The following COLEC11 variants were observed in gnomAD, a reference collection of about 807,000 sequenced individuals.
COLEC11 encodes the protein collectin-11.
In COLEC11, 20 loss-of-function variants were observed where a neutral mutation model predicts 27.3. That is an observed-to-expected ratio of 0.73 (90% confidence interval 0.51 to 1.06). The LOEUF is 1.06. Ranked by LOEUF, COLEC11 falls within the 50% of genes least tolerant of loss-of-function variation. The pLI is 0.00. For synonymous variants in COLEC11, 163 were observed against 154.7 expected, an observed-to-expected ratio of 1.05 and a Z score of -0.40; for missense variants, 310 against 383.0, an observed-to-expected ratio of 0.81 and a Z score of 1.59.
chr2:3,642,132 A>G (rs999569385), intron 5 of COLEC11, among the ~76,000 whole-genome samples: 7 of 152,224 alleles, frequency 4.6e-5, no homozygotes, highest in Admixed American at 1.3e-4. Flanking sequence ...GACTTAGGAC[A>G]GCTGCGTGTT....
intron 3 of COLEC11, among the ~76,000 whole-genome samples, chr2:3,636,925 A>G (rs1326967993): frequency 6.6e-6 from 1 of 152,132 alleles, no homozygotes; most frequent in Admixed American, 6.6e-5. Context: ...CACTGCATAC[A>G]CCTAAGCTGG....
chr2:3,609,833 G>C (rs1187105601), intron 2 of COLEC11, among the ~76,000 whole-genome samples: 3 of 151,764 alleles, frequency 2.0e-5, no homozygotes, highest in African/African-American at 7.3e-5. Flanking sequence ...CCCAACCCCT[G>C]CTAATTTTTT....
intron 3 of COLEC11, among the ~76,000 whole-genome samples, chr2:3,618,169 T>C (rs912014572): frequency 6.6e-5 from 10 of 152,256 alleles, no homozygotes; most frequent in Non-Finnish European, 1.5e-4. Context: ...ATTGCTTTCT[T>C]TGCTATGCAG....
chr2:3,603,645 G>T, intron 1 of COLEC11: 2 of 1,551,024 alleles, frequency 1.3e-6, no homozygotes, highest in African/African-American at 2.7e-5. Flanking sequence ...CGCCCTTCAC[G>T]ATGAAGAAAC....
chr2:3,612,125 C>T (rs1263245352), intron 2 of COLEC11, among the ~76,000 whole-genome samples: 1 of 152,112 alleles, frequency 6.6e-6, no homozygotes, highest in East Asian at 1.9e-4. Flanking sequence ...TACGTGAACG[C>T]TGGCACAATT....
At chr2:3,604,180 G>A in intron 1 of COLEC11, 135 bp from the exon 2 acceptor site, 1 of 906,284 alleles carries the variant, frequency 1.1e-6, no homozygotes, top group Admixed American at 1.9e-5. Context: ...TGAGTGAGGA[G>A]CACCCGCCAT....
At chr2:3,607,927 C>G (rs1045461713) in intron 2 of COLEC11, among the ~76,000 whole-genome samples, 1 of 152,226 alleles carries the variant, frequency 6.6e-6, no homozygotes, top group African/African-American at 2.4e-5. Flanking sequence ...TGGCTTTCTC[C>G]TCTCTGACTT....
Position 3,613,534 on chromosome 2 carries a change from G to A in COLEC11, c.202+152G>A, listed in dbSNP as rs948821018. 8 of 737,886 alleles carry A rather than the reference G, an allele frequency of 1.1e-5. No individual in the cohort carries two copies. The African/African-American group carries it at 1.4e-4, about 13-fold the overall frequency. The allele number at this position is 737,886 out of a possible 1,614,324, so 45.7% of individuals were successfully genotyped here. A position where few individuals can be genotyped will look rare whatever the true frequency, so the allele number is the denominator to read the frequency against. ...GGCAGACGGCATGGGACTTGGGTCG[G>A]GAGCAGGGAGGGGAGAGTGGTCCTT... On this transcript the variant is annotated intron_variant, in intron 3 of 6. Transcript: ENST00000349077.
intron 2 of COLEC11, among the ~76,000 whole-genome samples, chr2:3,607,318 AG>A (rs1662803686): frequency 6.6e-6 from 1 of 152,168 alleles, no homozygotes; most frequent in Non-Finnish European, 1.5e-5. Flanking sequence ...ATGGGAAAAA[AG>A]TCTTTTTTTA....
Position 3,626,264 on chromosome 2 carries a change from C to A in COLEC11, c.203-11269C>A, listed in dbSNP as rs143105035. On this transcript the variant is annotated intron_variant, in intron 3 of 6. Coordinates refer to ENST00000349077, the MANE Select transcript of COLEC11 (RefSeq NM_024027.5). ...GGAATATTGTTAGGCACAATGCGGT[C>A]CCAGCCTCAGCTGAGCAGTGCAGAG... Among the ~76,000 whole-genome samples the A allele has an allele frequency of 5.3e-5, 8 of 152,374 alleles. No homozygotes were observed. In the East Asian group the frequency reaches 1.5e-3, roughly 29 times the overall value.
chr2:3,630,131 CTA>C lies in COLEC11; in HGVS notation c.203-7400_203-7399del, dbSNP rs67710366. Among the ~76,000 whole-genome samples, 335 of 152,002 alleles carry C rather than the reference CTA, an allele frequency of 2.2e-3. 3 individuals are homozygous for C. The highest frequency in any genetic ancestry group is 7.4e-3 in the African/African-American group (308 of 41,452). On this transcript the variant is annotated intron_variant, in intron 3 of 6. Transcript: ENST00000349077. ...TGTATGTGGAGGTGAATGCACATCT[CTA>C]TGTGTATATGCATGTGCATGTGTGT...
At chr2:3,609,438 T>A (rs1267802884) in intron 2 of COLEC11, among the ~76,000 whole-genome samples, 2 of 143,202 alleles carry the variant, frequency 1.4e-5, no homozygotes, top group Admixed American at 1.5e-4. Flanking sequence ...GGTGCACTTA[T>A]AGCTAACTGC....
At chr2:3,622,386 G>A (rs959259125) in intron 3 of COLEC11, among the ~76,000 whole-genome samples, 7 of 152,044 alleles carry the variant, frequency 4.6e-5, no homozygotes, top group Admixed American at 4.6e-4. Flanking sequence ...TAATATCTTT[G>A]TCTTTTAACC....
chr2:3,625,990 T>C, intron 3 of COLEC11: 1 of 1,601,204 alleles, frequency 6.2e-7, no homozygotes, highest in South Asian at 1.1e-5. Flanking sequence ...GGGATAGTCA[T>C]AACATTGTAT....
rs1664208222 is a variant in COLEC11, at chr2:3,621,824, C to G, written c.202+8442C>G. 3.3e-5 allele frequency among the ~76,000 whole-genome samples: 5 copies of G among 152,170 alleles called. No homozygotes were observed. In the South Asian group the frequency reaches 1.0e-3, roughly 32 times the overall value. On this transcript the variant is annotated intron_variant, in intron 3 of 6. Coordinates refer to ENST00000349077, the MANE Select transcript of COLEC11 (RefSeq NM_024027.5). Reference sequence around the variant, plus strand: ...ACACACAAAATTCTACACTTTTACACCCACCCCCCATTTTATGTTTTTGAT... The same window carrying G: ...ACACACAAAATTCTACACTTTTACAGCCACCCCCCATTTTATGTTTTTGAT...
chr2:3,597,406 GCAC>G (rs1661922425), intron 1 of COLEC11, among the ~76,000 whole-genome samples: 1 of 151,852 alleles, frequency 6.6e-6, no homozygotes, highest in Non-Finnish European at 1.5e-5. Context: ...TGGAGTGAAG[GCAC>G]GAGAAATCCC....
intron 3 of COLEC11, among the ~76,000 whole-genome samples, chr2:3,620,043 G>C (rs1264864841): frequency 6.6e-6 from 1 of 152,132 alleles, no homozygotes; most frequent in Non-Finnish European, 1.5e-5. Context: ...TATTGTTCTT[G>C]TCTGGCTTTG....
chr2:3,631,641 G>A (rs1665007879), intron 3 of COLEC11, among the ~76,000 whole-genome samples: 1 of 152,200 alleles, frequency 6.6e-6, no homozygotes, highest in South Asian at 2.1e-4. Context: ...CACCAGCCGG[G>A]TATGCTTGGT....
At chr2:3,596,337 ATTTT>A (rs369478323) in intron 1 of COLEC11, among the ~76,000 whole-genome samples, 1 of 132,768 alleles carries the variant, frequency 7.5e-6, no homozygotes. Flanking sequence ...TGTCTATTTC[ATTTT>A]TTTTTTTTTT....
Sources: gnomAD v4.1 joint callset for allele counts (sites outside exome capture counted in the v4.1 genomes callset) on GRCh38, gnomAD v4.1.1 for gene constraint, MANE v1.5 for transcripts, NCBI Gene and HGNC (gene_info 2026-07-23, HGNC 2026-07-21) for gene names.